The following PDE10A variants were observed in gnomAD, a reference collection of about 807,000 sequenced individuals.
PDE10A encodes phosphodiesterase 10A, also known as cAMP and cAMP-inhibited cGMP 3',5'-cyclic phosphodiesterase 10A.
Under a neutral mutation model 97.7 loss-of-function variants are expected in PDE10A, and 39 were observed. The ratio of observed to expected loss-of-function variants is 0.40; its 90% confidence interval spans 0.31 to 0.52. The LOEUF is 0.52. PDE10A is among the 20% of genes least tolerant of loss of function. PDE10A has a pLI of 0.56. For synonymous variants in PDE10A, 371 were observed against 376.8 expected (o/e 0.98, Z 0.18); for missense variants, 731 against 1,047.8 (o/e 0.70, Z 4.17).
intron 1 of PDE10A, among the ~76,000 whole-genome samples, chr6:165,734,615 T>C (rs1365724940): frequency 6.6e-6 from 1 of 152,068 alleles, no homozygotes; most frequent in East Asian, 1.9e-4. Flanking sequence ...AACAACATAT[T>C]GGATAAAATT....
chr6:165,729,884 T>A (rs1273798446), intron 1 of PDE10A, among the ~76,000 whole-genome samples: 1 of 152,214 alleles, frequency 6.6e-6, no homozygotes, highest in Non-Finnish European at 1.5e-5. Context: ...GAGCAATTTC[T>A]GTTGTTTTTG....
chr6:165,760,946 A>C (rs1352372937), intron 1 of PDE10A, among the ~76,000 whole-genome samples: 1 of 152,192 alleles, frequency 6.6e-6, no homozygotes, highest in African/African-American at 2.4e-5. Context: ...GGAAGAAGGT[A>C]ATATGAAACT....
chr6:165,484,156 G>C (rs1167085616), intron 2 of PDE10A, among the ~76,000 whole-genome samples: 1 of 152,174 alleles, frequency 6.6e-6, no homozygotes, highest in South Asian at 2.1e-4. Flanking sequence ...CCTGTGTAAG[G>C]GAACATTGCC....
chr6:165,350,390 T>C (rs1245237812), intron 18 of PDE10A, among the ~76,000 whole-genome samples: 1 of 152,166 alleles, frequency 6.6e-6, no homozygotes, highest in Non-Finnish European at 1.5e-5. Flanking sequence ...ATTTCTCCCA[T>C]TTGGAATGCT....
At chr6:165,817,891 T>C (rs997071601) in intron 1 of PDE10A, among the ~76,000 whole-genome samples, 5 of 152,220 alleles carry the variant, frequency 3.3e-5, no homozygotes, top group Non-Finnish European at 4.4e-5. Flanking sequence ...TGTTAATATT[T>C]GCAAGATGAA....
chr6:165,701,744 C>T (rs552341083), intron 1 of PDE10A, among the ~76,000 whole-genome samples: 2 of 151,520 alleles, frequency 1.3e-5, no homozygotes, highest in East Asian at 1.9e-4. Context: ...TGTGTGTGTG[C>T]ATGTGTGTAT....
At chr6:165,740,650 C>T (rs1470916096) in intron 1 of PDE10A, among the ~76,000 whole-genome samples, 2 of 152,110 alleles carry the variant, frequency 1.3e-5, no homozygotes, top group Non-Finnish European at 2.9e-5. Context: ...TGGAATATTA[C>T]TCAGCCTTAA....
intron 9 of PDE10A, among the ~76,000 whole-genome samples, chr6:165,429,515 T>G (rs544804385): frequency 4.6e-5 from 7 of 152,190 alleles, no homozygotes; most frequent in African/African-American, 1.7e-4. Context: ...GCATCAAGAA[T>G]AATTACTGAT....
chr6:165,862,546 G>A (rs1159223166), intron 1 of PDE10A, among the ~76,000 whole-genome samples: 1 of 152,164 alleles, frequency 6.6e-6, no homozygotes, highest in African/African-American at 2.4e-5. Flanking sequence ...TGAAGTCACA[G>A]AAATTCACTA....
chr6:165,360,795 T>C (rs78487704), intron 18 of PDE10A, among the ~76,000 whole-genome samples: 49 of 152,258 alleles, frequency 3.2e-4, no homozygotes, highest in Non-Finnish European at 6.2e-4. Context: ...CTGATGGCTG[T>C]TGGAACTTAA....
chr6:165,747,325 C>T (rs1002074795), intron 1 of PDE10A, among the ~76,000 whole-genome samples: 1 of 152,148 alleles, frequency 6.6e-6, no homozygotes, highest in African/African-American at 2.4e-5. Context: ...TCAGGCTACA[C>T]ACAGAGATTA....
intron 5 of PDE10A, among the ~76,000 whole-genome samples, chr6:165,441,021 C>A (rs752748537): frequency 7.9e-5 from 12 of 151,956 alleles, no homozygotes; most frequent in Non-Finnish European, 1.6e-4. Flanking sequence ...TATTTTTTCC[C>A]AAAAACATCT....
chr6:165,598,861 A>AT (rs1348146173), intron 1 of PDE10A, among the ~76,000 whole-genome samples: 27 of 152,152 alleles, frequency 1.8e-4, no homozygotes, highest in Admixed American at 1.5e-3. Flanking sequence ...GAGGCTGGCT[A>AT]TGGACCTGCC....
At chr6:165,460,194 C>T (rs1276659885) in intron 3 of PDE10A, among the ~76,000 whole-genome samples, 3 of 152,296 alleles carry the variant, frequency 2.0e-5, no homozygotes, top group Non-Finnish European at 2.9e-5. Context: ...CAAAAGGTCC[C>T]AACAGGAGCC....
At chr6:165,896,572 T>C (rs1241127593) in intron 1 of PDE10A, among the ~76,000 whole-genome samples, 1 of 145,918 alleles carries the variant, frequency 6.9e-6, no homozygotes, top group Non-Finnish European at 1.5e-5. Flanking sequence ...TCGCCCAGGC[T>C]GGAGTACAGT....
At chr6:165,645,566 C>T (rs1455510843) in intron 1 of PDE10A, among the ~76,000 whole-genome samples, 1 of 152,048 alleles carries the variant, frequency 6.6e-6, no homozygotes, top group Non-Finnish European at 1.5e-5. Context: ...GAAAAGTTTA[C>T]TTCCTGGCTG....
intron 1 of PDE10A, among the ~76,000 whole-genome samples, chr6:165,634,552 T>G (rs1788785575): frequency 6.6e-6 from 1 of 152,024 alleles, no homozygotes. Flanking sequence ...GAGACAAAGA[T>G]AGCATGCATT....
At chr6:165,961,709 A>G (rs1397332972) in intron 1 of PDE10A, among the ~76,000 whole-genome samples, 1 of 152,218 alleles carries the variant, frequency 6.6e-6, no homozygotes, top group African/African-American at 2.4e-5. Flanking sequence ...ACTGTACAGT[A>G]TGGTGTCATC....
chr6:165,448,804 C>A (rs1791057278), intron 5 of PDE10A, 124 bp downstream of exon 5: 2 of 615,924 alleles, frequency 3.2e-6, no homozygotes, highest in African/African-American at 1.9e-5. Context: ...AATATAGAAA[C>A]AAAACACAAA....
Sources: gnomAD v4.1 joint callset for allele counts (sites outside exome capture counted in the v4.1 genomes callset) on GRCh38, gnomAD v4.1.1 for gene constraint, MANE v1.5 for transcripts, NCBI Gene and HGNC (gene_info 2026-07-23, HGNC 2026-07-21) for gene names.